The following CAMK2D variants were observed in gnomAD, a reference collection of about 807,000 sequenced individuals.
CAMK2D encodes the protein calcium/calmodulin dependent protein kinase II delta.
Under a neutral mutation model 84.0 loss-of-function variants are expected in CAMK2D, and 37 were observed. The observed-to-expected ratio is 0.44, with a 90% confidence interval of 0.34 to 0.58. CAMK2D has a LOEUF of 0.58. Among genes scored for constraint, CAMK2D ranks in the 20% least tolerant of loss-of-function variants. The probability of loss-of-function intolerance (pLI) is 0.02; values close to 1 mark genes in which losing one functional copy is unlikely to be tolerated. For missense variants in CAMK2D, 448 were observed against 652.5 expected (o/e 0.69, Z 3.41); for synonymous variants, 202 against 212.5 (o/e 0.95, Z 0.43).
chr4:113,620,694 G>A lies in CAMK2D; in HGVS notation c.221-11488C>T, dbSNP rs1245219314. ...AGCTAATTTTTGTATTTTTAGTAGA[G>A]ACAGGATTTCACCATGTTAGCCAGG... On this transcript the variant is annotated intron_variant, in intron 3 of 20. Coordinates refer to ENST00000511664, the MANE Select transcript of CAMK2D (RefSeq NM_001321571.2). 2.0e-5 allele frequency among the ~76,000 whole-genome samples: 3 copies of A among 151,896 alleles called. No homozygotes were observed. In the South Asian group the frequency reaches 6.2e-4, roughly 32 times the overall value.
Position 113,502,418 on chromosome 4 carries a change from TAAC to T in CAMK2D, c.1086+515_1086+517del, listed in dbSNP as rs1269932394. 3.2e-3 allele frequency among the ~76,000 whole-genome samples: 334 copies of T among 104,948 alleles called. 1 individual carries two copies. The highest frequency in any genetic ancestry group is 0.011 in the African/African-American group (285 of 26,272). The allele number at this position is 104,948 out of a possible 152,430, so 68.8% of individuals were successfully genotyped here. A position where few individuals can be genotyped will look rare whatever the true frequency, so the allele number is the denominator to read the frequency against. ...ACAACAACAACAACAATAACAACAA[TAAC>T]AACATCATCACCAACAAGGAATTAA... On this transcript the variant is annotated intron_variant, in intron 15 of 20. Coordinates refer to ENST00000511664, the MANE Select transcript of CAMK2D (RefSeq NM_001321571.2).
intron 2 of CAMK2D, among the ~76,000 whole-genome samples, chr4:113,746,296 T>G (rs1327757241): frequency 3.3e-5 from 5 of 152,220 alleles, no homozygotes; most frequent in Admixed American, 3.3e-4. Flanking sequence ...ACATATACCT[T>G]AAAACCTTCT....
intron 8 of CAMK2D, among the ~76,000 whole-genome samples, chr4:113,522,650 C>T (rs772143106): frequency 5.3e-5 from 8 of 152,046 alleles, no homozygotes; most frequent in Non-Finnish European, 1.0e-4. Context: ...GTCACCAGGG[C>T]GGCAGCTGTG....
chr4:113,641,600 G>A (rs552750465), intron 3 of CAMK2D, among the ~76,000 whole-genome samples: 13 of 152,312 alleles, frequency 8.5e-5, no homozygotes, highest in Admixed American at 5.2e-4. Context: ...GAAAGTTCCT[G>A]GCTCAAAGCT....
At chr4:113,618,282 C>T (rs1473179592) in intron 3 of CAMK2D, among the ~76,000 whole-genome samples, 1 of 152,106 alleles carries the variant, frequency 6.6e-6, no homozygotes. Flanking sequence ...AAACATAGAA[C>T]ATTTATCTTG....
chr4:113,678,672 A>G (rs557092676), intron 2 of CAMK2D, among the ~76,000 whole-genome samples: 11 of 152,294 alleles, frequency 7.2e-5, no homozygotes, highest in African/African-American at 2.4e-4. Context: ...TATTAACTAT[A>G]GTTACTCTAA....
intron 3 of CAMK2D, among the ~76,000 whole-genome samples, chr4:113,628,586 A>G (rs137860223): frequency 6.6e-6 from 1 of 152,268 alleles, no homozygotes; most frequent in African/African-American, 2.4e-5. Flanking sequence ...GCCTCTGGGC[A>G]TTAAAATTAT....
intron 3 of CAMK2D, among the ~76,000 whole-genome samples, chr4:113,629,455 C>T (rs894678139): frequency 2.6e-5 from 4 of 151,790 alleles, no homozygotes; most frequent in Non-Finnish European, 5.9e-5. Context: ...TATTACATTC[C>T]ATACAGTGAC....
intron 4 of CAMK2D, among the ~76,000 whole-genome samples, chr4:113,587,318 A>T (rs1295270043): frequency 5.3e-5 from 8 of 152,244 alleles, no homozygotes; most frequent in Non-Finnish European, 1.2e-4. Context: ...ATTCTTTTAC[A>T]AAATCAAAAT....
intron 11 of CAMK2D, among the ~76,000 whole-genome samples, 198 bp downstream of exon 11, chr4:113,513,632 G>T (rs1026741752): frequency 5.3e-5 from 8 of 152,208 alleles, no homozygotes; most frequent in Non-Finnish European, 1.2e-4. Flanking sequence ...CACAGCATGT[G>T]TTGCCAGGAT....
intron 4 of CAMK2D, among the ~76,000 whole-genome samples, chr4:113,559,288 A>G (rs1420686527): frequency 1.3e-5 from 2 of 152,208 alleles, no homozygotes; most frequent in African/African-American, 4.8e-5. Flanking sequence ...TTAAAATCTC[A>G]ATACCTATGC....
Position 113,513,333 on chromosome 4 carries a change from A to C in CAMK2D, c.941T>G (p.Phe314Cys). ...ILTTMLATRN[F>C]SAAKSLLKKP... is the part of the protein sequence containing the mutation. ...AGAGTTCCCAATGCATGTACCTGAG[A>C]AATTCCTTGTAGCCAGCATAGTTGT... Residue 314 changes from phenylalanine to cysteine, a missense_variant, in exon 12 of 21, where the codon TTC (phenylalanine) becomes TGC (cysteine). Transcript: ENST00000511664. 1 of 1,613,840 alleles carries C rather than the reference A, an allele frequency of 6.2e-7. No homozygotes were observed. Among genetic ancestry groups the C allele is most frequent in the Non-Finnish European group, 8.5e-7 (1 of 1,179,684 alleles).
At chr4:113,507,999 A>ATTGAC (rs2098154156) in intron 13 of CAMK2D, among the ~76,000 whole-genome samples, 2 of 152,206 alleles carry the variant, frequency 1.3e-5, no homozygotes, top group African/African-American at 4.8e-5. Flanking sequence ...CAAAGAGAAA[A>ATTGAC]TTGACTTTGT....
chr4:113,653,585 C>T (rs1460225552), intron 3 of CAMK2D, among the ~76,000 whole-genome samples: 1 of 151,960 alleles, frequency 6.6e-6, no homozygotes, highest in Non-Finnish European at 1.5e-5. Context: ...ACTTCTGATG[C>T]CATTGAAAAA....
At chr4:113,741,351 G>A (rs1000194256) in intron 2 of CAMK2D, among the ~76,000 whole-genome samples, 2 of 152,014 alleles carry the variant, frequency 1.3e-5, no homozygotes, top group African/African-American at 2.4e-5. Context: ...TTTTGCTGTC[G>A]CACTTCAAAC....
intron 2 of CAMK2D, among the ~76,000 whole-genome samples, chr4:113,695,878 T>C (rs2099401149): frequency 6.6e-6 from 1 of 152,094 alleles, no homozygotes; most frequent in South Asian, 2.1e-4. Context: ...GATACAGCTC[T>C]TGCTATGATC....
chr4:113,513,614 G>A (rs1329184460), intron 11 of CAMK2D, among the ~76,000 whole-genome samples: 2 of 152,200 alleles, frequency 1.3e-5, no homozygotes. Flanking sequence ...TCCACTGAAG[G>A]AAGGATCCAC....
At chr4:113,697,477 G>A (rs1235209219) in intron 2 of CAMK2D, among the ~76,000 whole-genome samples, 2 of 152,088 alleles carry the variant, frequency 1.3e-5, no homozygotes, top group African/African-American at 2.4e-5. Flanking sequence ...ATAACTTTCT[G>A]AGGTACACAA....
chr4:113,725,357 A>G (rs1172019207), intron 2 of CAMK2D, among the ~76,000 whole-genome samples: 1 of 152,126 alleles, frequency 6.6e-6, no homozygotes, highest in East Asian at 1.9e-4. Flanking sequence ...GTGAAAAAGA[A>G]TCTTTTCAAT....
Sources: gnomAD v4.1 joint callset for allele counts (sites outside exome capture counted in the v4.1 genomes callset) on GRCh38, gnomAD v4.1.1 for gene constraint, MANE v1.5 for transcripts, NCBI Gene and HGNC (gene_info 2026-07-23, HGNC 2026-07-21) for gene names.